Variants in CD82 observed in about 807,000 individuals in gnomAD.
CD82 encodes CD82 molecule.
In CD82, 36 loss-of-function variants were observed where a neutral mutation model predicts 37.4. The observed-to-expected ratio is 0.96, with a 90% CI of 0.74 to 1.27. The LOEUF (loss-of-function observed/expected upper bound fraction) is 1.27. Among genes scored for constraint, CD82 ranks in the 50% most tolerant of loss-of-function variants. The probability of loss-of-function intolerance (pLI) is 0.00; values close to 1 mark genes in which losing one functional copy is unlikely to be tolerated. For missense variants in CD82, 340 were observed against 347.0 expected (o/e 0.98, Z 0.16); for synonymous variants, 158 against 137.4 (o/e 1.15, Z -1.05).
chr11:44,619,763 C>CAAAAAA lies in CD82; in HGVS notation c.*658_*663dup, dbSNP rs397848957. On this transcript the variant is annotated 3_prime_UTR_variant, in exon 10 of 10. Coordinates refer to ENST00000227155, the MANE Select transcript of CD82 (RefSeq NM_002231.4). ...TGGGGGACAGAAAGAGACTCCGTCT[C>CAAAAAA]AAAAAAAAAAAAAAAAAAAAAAAAA... 1 of 66,422 alleles carries CAAAAAA rather than the reference C, an allele frequency of 1.5e-5. No individual in the cohort carries two copies. Among genetic ancestry groups the CAAAAAA allele is most frequent in the Non-Finnish European group, 2.7e-5 (1 of 36,610 alleles). The allele number at this position is 66,422 out of a possible 1,614,324, so 4.1% of individuals were successfully genotyped here. A position where few individuals can be genotyped will look rare whatever the true frequency, so the allele number is the denominator to read the frequency against.
intron 1 of CD82, among the ~76,000 whole-genome samples, chr11:44,570,486 G>A (rs953765813): frequency 3.3e-5 from 5 of 152,240 alleles, no homozygotes; most frequent in African/African-American, 1.2e-4. Context: ...TGAATGAATA[G>A]GTTAGTGGTT....
chr11:44,576,151 C>T (rs1231010581), intron 1 of CD82, among the ~76,000 whole-genome samples: 1 of 152,192 alleles, frequency 6.6e-6, no homozygotes, highest in Non-Finnish European at 1.5e-5. Context: ...TTTATGTTCC[C>T]AGTTATTGTT....
intron 1 of CD82, among the ~76,000 whole-genome samples, chr11:44,581,491 A>G (rs1565082605): frequency 6.6e-6 from 1 of 152,266 alleles, no homozygotes; most frequent in Non-Finnish European, 1.5e-5. Context: ...TCTGTGTTCT[A>G]GAGAGCCCCT....
At chr11:44,585,998 G>A (rs1047607157) in intron 1 of CD82, among the ~76,000 whole-genome samples, 5 of 152,170 alleles carry the variant, frequency 3.3e-5, no homozygotes, top group African/African-American at 9.7e-5. Flanking sequence ...CAGAGTGCCA[G>A]GCAGATTCTC....
intron 6 of CD82, among the ~76,000 whole-genome samples, chr11:44,608,707 A>G (rs1298560890): frequency 6.6e-6 from 1 of 152,288 alleles, no homozygotes; most frequent in Non-Finnish European, 1.5e-5. Context: ...GAACCTGAAC[A>G]GAAGCAAGGC....
At chr11:44,604,962 G>A in intron 4 of CD82, 96 bp from the exon 5 acceptor site, 7 of 1,571,050 alleles carry the variant, frequency 4.5e-6, no homozygotes, top group Non-Finnish European at 6.1e-6. Flanking sequence ...CCAACACCCT[G>A]GCTCCAAAGA....
chr11:44,577,819 C>A (rs1852919996), intron 1 of CD82, among the ~76,000 whole-genome samples: 2 of 152,176 alleles, frequency 1.3e-5, no homozygotes, highest in African/African-American at 2.4e-5. Context: ...CCTCCACCTA[C>A]CCCAACCCGC....
chr11:44,565,561 C>A (rs1419289429), upstream of CD82: 2 of 108,116 alleles, frequency 1.8e-5, no homozygotes, highest in African/African-American at 8.0e-5. Flanking sequence ...GGGGCGGGGC[C>A]GGCGGAGGGG....
At chr11:44,578,593 C>T (rs1182397808) in intron 1 of CD82, among the ~76,000 whole-genome samples, 4 of 152,206 alleles carry the variant, frequency 2.6e-5, no homozygotes, top group Admixed American at 6.5e-5. Flanking sequence ...AGGAATGAAC[C>T]GTTACTACTC....
intron 1 of CD82, among the ~76,000 whole-genome samples, chr11:44,577,745 G>C (rs1018168377): frequency 2.6e-5 from 4 of 152,182 alleles, no homozygotes; most frequent in Admixed American, 6.5e-5. Flanking sequence ...GTGCCTGGGG[G>C]TTCATGGTAC....
At chr11:44,571,812 T>C (rs1160854119) in intron 1 of CD82, among the ~76,000 whole-genome samples, 34 of 152,210 alleles carry the variant, frequency 2.2e-4, no homozygotes, top group Admixed American at 2.2e-3. Context: ...TGGCCTCAAG[T>C]GATCCTCCAG....
intron 1 of CD82, among the ~76,000 whole-genome samples, chr11:44,576,414 G>T (rs543837383): frequency 3.9e-5 from 6 of 152,346 alleles, no homozygotes; most frequent in African/African-American, 1.4e-4. Context: ...TCACAGAACT[G>T]AAAGGGGCAG....
rs951306331 is a variant in CD82, at chr11:44,619,849, T to C, written c.*723T>C. On this transcript the variant is annotated 3_prime_UTR_variant, in exon 10 of 10. Coordinates refer to ENST00000227155, the MANE Select transcript of CD82 (RefSeq NM_002231.4). ...GGCTGTCAGGAGACTGCCTACTGGG[T>C]GGGTCAACTTATTTCCCACTATGAC... 1 of 145,424 alleles carries C rather than the reference T, an allele frequency of 6.9e-6. No individual in the cohort carries two copies. Among genetic ancestry groups the C allele is most frequent in the Non-Finnish European group, 1.5e-5 (1 of 66,668 alleles). The allele number at this position is 145,424 out of a possible 1,614,324, so 9.0% of individuals were successfully genotyped here. A position where few individuals can be genotyped will look rare whatever the true frequency, so the allele number is the denominator to read the frequency against.
At chr11:44,577,221 C>T (rs1439890647) in intron 1 of CD82, among the ~76,000 whole-genome samples, 2 of 152,208 alleles carry the variant, frequency 1.3e-5, no homozygotes, top group Non-Finnish European at 2.9e-5. Context: ...TTCCTCCCAG[C>T]TCGGCTGCTT....
At chr11:44,616,064 C>T (rs957413645) in intron 7 of CD82, among the ~76,000 whole-genome samples, 4 of 152,154 alleles carry the variant, frequency 2.6e-5, no homozygotes, top group African/African-American at 4.8e-5. Context: ...TTGGCTGGGA[C>T]CTGACATCTC....
chr11:44,580,080 A>G (rs1852959012), intron 1 of CD82, among the ~76,000 whole-genome samples: 1 of 152,156 alleles, frequency 6.6e-6, no homozygotes, highest in Admixed American at 6.6e-5. Flanking sequence ...GAGAGGGCTG[A>G]GGCCCCACAG....
intron 3 of CD82, 91 bp downstream of exon 3, chr11:44,594,816 C>A: frequency 9.1e-7 from 1 of 1,093,378 alleles, no homozygotes; most frequent in Admixed American, 1.7e-5. Context: ...CCGACCGGGC[C>A]GGGGATTGGG....
In CD82 at chr11:44,619,260, G is replaced by T; in HGVS notation, c.*134G>T. ...TTGCCCATCCTGACTGAAAGTAGGG[G>T]GCTTTCTGGGGCCTAGCGATCTCTC... is the stretch of plus-strand genomic sequence containing the variant. On this transcript the variant is annotated 3_prime_UTR_variant, in exon 10 of 10. Coordinates refer to ENST00000227155, the MANE Select transcript of CD82 (RefSeq NM_002231.4). The T allele has an allele frequency of 1.4e-6, 1 of 703,608 alleles. No homozygotes were observed. The highest frequency in any genetic ancestry group is 2.5e-6 in the Non-Finnish European group (1 of 392,528). The allele number at this position is 703,608 out of a possible 1,614,324, so 43.6% of individuals were successfully genotyped here.
intron 6 of CD82, among the ~76,000 whole-genome samples, chr11:44,609,157 A>T (rs1853443854): frequency 6.6e-6 from 1 of 152,112 alleles, no homozygotes. Context: ...CAGCCCTGGG[A>T]TTCAGGGGCC....
Sources: gnomAD v4.1 joint callset for allele counts (sites outside exome capture counted in the v4.1 genomes callset) on GRCh38, gnomAD v4.1.1 for gene constraint, MANE v1.5 for transcripts, NCBI Gene and HGNC (gene_info 2026-07-23, HGNC 2026-07-21) for gene names.